BCAS3: variants seen among roughly 807,000 people sequenced by gnomAD.
BCAS3 encodes BCAS3 microtubule associated cell migration factor.
A neutral mutation model predicts 116.1 loss-of-function variants in BCAS3; 53 were observed. The ratio of observed to expected loss-of-function variants is 0.46; its 90% CI spans 0.37 to 0.57. The LOEUF (loss-of-function observed/expected upper bound fraction) is 0.57. Ranked by LOEUF, BCAS3 falls within the 20% of genes least tolerant of loss-of-function variation. The pLI is 0.00. For missense variants in BCAS3, 917 were observed against 1,165.4 expected (o/e 0.79, Z 3.10); for synonymous variants, 391 against 408.2 (o/e 0.96, Z 0.51).
rs1209571086 is a variant in BCAS3, at chr17:61,203,782, G to A, written c.2425+119218G>A. On this transcript the variant is annotated intron_variant, in intron 22 of 23. Coordinates refer to ENST00000407086, the MANE Select transcript of BCAS3 (RefSeq NM_017679.5). The surrounding 1 kb of genome is among the most constrained non-coding windows in gnomAD (Gnocchi z 5.7). ...CCAAAAGCTCAATCAGTGTCACTCT[G>A]CAGAGAATGTTTTCAGTATACGAGT... Among the ~76,000 whole-genome samples the A allele has an allele frequency of 2.0e-5, 3 of 152,096 alleles. No homozygotes were observed. The highest frequency in any genetic ancestry group is 7.2e-5 in the African/African-American group (3 of 41,410).
intron 12 of BCAS3, among the ~76,000 whole-genome samples, chr17:60,919,215 G>T (rs1056754512): frequency 6.6e-6 from 1 of 152,056 alleles, no homozygotes; most frequent in African/African-American, 2.4e-5. Flanking sequence ...TTTTGGGGGG[G>T]TTAAAACCTA....
chr17:60,862,155 C>T (rs1048807417), intron 7 of BCAS3, among the ~76,000 whole-genome samples: 6 of 152,086 alleles, frequency 3.9e-5, no homozygotes, highest in South Asian at 2.1e-4. Context: ...TGGTGGCAAG[C>T]GCCTGTAGTC....
intron 22 of BCAS3, among the ~76,000 whole-genome samples, chr17:61,317,996 C>T (rs1414098180): frequency 6.6e-6 from 1 of 152,178 alleles, no homozygotes; most frequent in African/African-American, 2.4e-5. Flanking sequence ...AGGCGTAACG[C>T]GTAGGACCAA....
At position 61,078,498 on chromosome 17, in the gene BCAS3, GAT is replaced by G; in HGVS notation, c.2298_2299del (p.Thr767ArgfsTer2). On this transcript the variant is annotated frameshift_variant, in exon 21 of 24. Transcript: ENST00000407086. LOFTEE classifies it high-confidence loss of function. ...CACGCCACAGCCTCTTTTGGATTTT[GAT>G]ACAGATGATCTTGATCTCAACAGTC... is the stretch of plus-strand genomic sequence containing the variant. ...SDTPQPLLDF[D>X]TDDLDLNSLR... 1 of 1,614,104 alleles carries G rather than the reference GAT, an allele frequency of 6.2e-7. No homozygotes were observed. Among genetic ancestry groups the G allele is most frequent in the Non-Finnish European group, 8.5e-7 (1 of 1,179,966 alleles).
Position 61,026,929 on chromosome 17 carries a change from C to G in BCAS3, c.1638-7737C>G. ...CCCCATGGTGAGTTCCAGTTCAGTC[C>G]CGCATGCCTCATTCATTTGCTGTAC... On this transcript the variant is annotated intron_variant, in intron 16 of 23. Coordinates refer to ENST00000407086, the MANE Select transcript of BCAS3 (RefSeq NM_017679.5). The surrounding 1 kb of genome is among the most constrained non-coding windows in gnomAD (Gnocchi z 5.0). The G allele has an allele frequency of 6.3e-7, 1 of 1,593,288 alleles. No individual in the cohort carries two copies. The highest frequency in any genetic ancestry group is 1.1e-5 in the South Asian group (1 of 87,650).
Position 61,355,545 on chromosome 17 carries a change from G to T in BCAS3, c.2426-12782G>T, listed in dbSNP as rs1433821858. Among the ~76,000 whole-genome samples, 1 of 152,152 alleles carries T rather than the reference G, an allele frequency of 6.6e-6. No individual in the cohort carries two copies. Among genetic ancestry groups the T allele is most frequent in the Admixed American group, 6.5e-5 (1 of 15,278 alleles). ...AGGCTTTGGAGCCAAATGAACCTAG[G>T]ATCCTAATCCTGACTGTACCCTTGA... is the stretch of plus-strand genomic sequence containing the variant. On this transcript the variant is annotated intron_variant, in intron 22 of 23. Coordinates refer to ENST00000407086, the MANE Select transcript of BCAS3 (RefSeq NM_017679.5). This position sits in a 1 kb window ranked among gnomAD's most constrained non-coding sequence, Gnocchi z 4.2.
chr17:61,044,717 AATT>A (rs1358867635), intron 19 of BCAS3, among the ~76,000 whole-genome samples: 5 of 151,824 alleles, frequency 3.3e-5, no homozygotes, highest in African/African-American at 1.2e-4. Flanking sequence ...TGTAGATATC[AATT>A]ATTATACTTG....
chr17:60,846,487 T>A (rs1377486098), intron 7 of BCAS3, among the ~76,000 whole-genome samples: 3 of 152,212 alleles, frequency 2.0e-5, no homozygotes, highest in Non-Finnish European at 4.4e-5. Flanking sequence ...TTGTTCTATA[T>A]GGTTTTTTTG....
intron 5 of BCAS3, among the ~76,000 whole-genome samples, chr17:60,733,516 T>C (rs1598363828): frequency 1.3e-5 from 2 of 152,328 alleles, no homozygotes; most frequent in Admixed American, 6.5e-5. Context: ...TCTTTTCCTA[T>C]GATCTTCCAT....
At chr17:60,770,228 G>A (rs1410317543) in intron 6 of BCAS3, among the ~76,000 whole-genome samples, 2 of 151,948 alleles carry the variant, frequency 1.3e-5, no homozygotes, top group African/African-American at 4.8e-5. Flanking sequence ...GGGTTCTCGT[G>A]TAATTAGGAT....
In BCAS3 at chr17:61,235,167, G is replaced by A. The variant is rs765886061; in HGVS notation, c.2426-133160G>A. The stretch of plus-strand genomic sequence containing the variant: ...CTTCCAAAGTGCTGGGATTATAGGC[G>A]TGAACCACCACGCCTGGCTGTCTGC... On this transcript the variant is annotated intron_variant, in intron 22 of 23. Transcript: ENST00000407086. The surrounding 1 kb of genome is among the most constrained non-coding windows in gnomAD (Gnocchi z 5.0). Among the ~76,000 whole-genome samples, 10 of 152,190 alleles carry A rather than the reference G, an allele frequency of 6.6e-5. No individual in the cohort carries two copies. The highest frequency in any genetic ancestry group is 5.2e-4 in the Admixed American group (8 of 15,284).
At chr17:60,713,963 A>G (rs2038240106) in intron 5 of BCAS3, among the ~76,000 whole-genome samples, 1 of 152,100 alleles carries the variant, frequency 6.6e-6, no homozygotes, top group African/African-American at 2.4e-5. Context: ...CCTCCTGAGT[A>G]GCTGGAACTA....
At chr17:60,734,762 G>A (rs2040803321) in intron 5 of BCAS3, among the ~76,000 whole-genome samples, 1 of 152,160 alleles carries the variant, frequency 6.6e-6, no homozygotes, top group East Asian at 1.9e-4. Context: ...GATAGCATCA[G>A]TGTTCTGACT....
At chr17:60,680,194 A>G in intron 2 of BCAS3, among the ~76,000 whole-genome samples, 1 of 151,840 alleles carries the variant, frequency 6.6e-6, no homozygotes. Flanking sequence ...TAGAAAATAT[A>G]GCTGAGAGTT....
intron 19 of BCAS3, among the ~76,000 whole-genome samples, chr17:61,046,069 A>T (rs868667006): frequency 7.9e-4 from 22 of 27,856 alleles, no homozygotes; most frequent in Admixed American, 4.4e-3. Flanking sequence ...ATATATATAT[A>T]ATATATATAT....
chr17:60,947,089 T>C (rs1304492164), intron 13 of BCAS3, 130 bp from the exon 14 acceptor site: 3 of 905,578 alleles, frequency 3.3e-6, no homozygotes, highest in Non-Finnish European at 4.9e-6. Flanking sequence ...TTTTCTTTTG[T>C]AAAGTTTCTT....
chr17:60,690,654 C>T (rs2034685334), intron 4 of BCAS3, among the ~76,000 whole-genome samples: 1 of 150,860 alleles, frequency 6.6e-6, no homozygotes, highest in African/African-American at 2.4e-5. Flanking sequence ...AGCACTTTGG[C>T]TCATGCTTGC....
At chr17:60,882,551 C>T (rs1165415574) in intron 9 of BCAS3, among the ~76,000 whole-genome samples, 1 of 152,184 alleles carries the variant, frequency 6.6e-6, no homozygotes, top group African/African-American at 2.4e-5. Flanking sequence ...CCTAGGTTCT[C>T]TTCTAGGGTT....
chr17:61,218,502 C>A, intron 22 of BCAS3, among the ~76,000 whole-genome samples: 1 of 152,270 alleles, frequency 6.6e-6, no homozygotes, highest in African/African-American at 2.4e-5. Flanking sequence ...ATTGCAACTG[C>A]ATTATAATTA....
Sources: gnomAD v4.1 joint callset for allele counts (sites outside exome capture counted in the v4.1 genomes callset) on GRCh38, gnomAD v4.1.1 for gene constraint, Gnocchi (gnomAD v3.1) non-coding constraint, MANE v1.5 for transcripts, NCBI Gene and HGNC (gene_info 2026-07-23, HGNC 2026-07-21) for gene names.